The following DPYD variants were observed in gnomAD, a reference collection of about 807,000 sequenced individuals.
The protein encoded by DPYD is dihydropyrimidine dehydrogenase [NADP(+)].
In DPYD, 109 loss-of-function variants were observed where a neutral mutation model predicts 116.2. That is an observed-to-expected ratio of 0.94 (90% CI 0.80 to 1.10). The LOEUF is 1.10. DPYD is among the 50% of genes least tolerant of loss of function. The probability of loss-of-function intolerance (pLI) is 0.00; values close to 1 mark genes in which losing one functional copy is unlikely to be tolerated. For missense variants in DPYD, 1,302 were observed against 1,254.5 expected (o/e 1.04, Z -0.57); for synonymous variants, 440 against 432.0 (o/e 1.02, Z -0.23).
At chr1:97,757,945 CT>C (rs1356678276) in intron 3 of DPYD, among the ~76,000 whole-genome samples, 1 of 152,160 alleles carries the variant, frequency 6.6e-6, no homozygotes, top group Non-Finnish European at 1.5e-5. Context: ...CTAACCATTT[CT>C]TTTGTCTGCA....
chr1:97,686,965 C>T (rs139919539), intron 7 of DPYD, among the ~76,000 whole-genome samples: 1 of 151,886 alleles, frequency 6.6e-6, no homozygotes, highest in Non-Finnish European at 1.5e-5. Flanking sequence ...AAAAAACCAA[C>T]CCCATTAAAA....
chr1:97,208,595 T>C (rs961675007), intron 19 of DPYD, among the ~76,000 whole-genome samples: 1 of 152,082 alleles, frequency 6.6e-6, no homozygotes, highest in African/African-American at 2.4e-5. Flanking sequence ...AAGGGAGCTA[T>C]ATTCAAACTC....
chr1:97,609,225 G>T (rs1276859125), intron 8 of DPYD, among the ~76,000 whole-genome samples: 1 of 151,804 alleles, frequency 6.6e-6, no homozygotes, highest in African/African-American at 2.4e-5. Context: ...CTAATGCTAA[G>T]CCATGTGATT....
chr1:97,600,371 A>G (rs1260839742), intron 8 of DPYD, among the ~76,000 whole-genome samples: 2 of 152,246 alleles, frequency 1.3e-5, no homozygotes, highest in Non-Finnish European at 2.9e-5. Flanking sequence ...CAGATTAAAC[A>G]TGTATTTATG....
chr1:97,300,317 C>T (rs1004674818), intron 18 of DPYD, among the ~76,000 whole-genome samples: 4 of 152,024 alleles, frequency 2.6e-5, no homozygotes, highest in Non-Finnish European at 5.9e-5. Flanking sequence ...TATTTTAGAT[C>T]TTCAATGTTA....
chr1:97,354,688 C>G (rs181180421), intron 16 of DPYD, among the ~76,000 whole-genome samples: 76 of 152,260 alleles, frequency 5.0e-4, no homozygotes, highest in African/African-American at 1.8e-3. Context: ...TTAAAAAAAT[C>G]AGAACTACTT....
intron 12 of DPYD, among the ~76,000 whole-genome samples, chr1:97,549,282 T>C (rs1651137570): frequency 6.6e-6 from 1 of 152,082 alleles, no homozygotes; most frequent in Non-Finnish European, 1.5e-5. Flanking sequence ...CCCAGGCTGA[T>C]CTTGAACACC....
intron 16 of DPYD, among the ~76,000 whole-genome samples, chr1:97,336,614 G>T (rs1266551442): frequency 6.6e-6 from 1 of 152,126 alleles, no homozygotes; most frequent in Non-Finnish European, 1.5e-5. Flanking sequence ...GCCTGGCACG[G>T]TGGCGTGTAC....
At chr1:97,126,553 T>C (rs564471956) in intron 20 of DPYD, among the ~76,000 whole-genome samples, 1 of 152,158 alleles carries the variant, frequency 6.6e-6, no homozygotes, top group South Asian at 2.1e-4. Flanking sequence ...TACTATGTCC[T>C]AGGTCCCACC....
chr1:97,651,838 A>G (rs894709652), intron 8 of DPYD, among the ~76,000 whole-genome samples: 2 of 152,142 alleles, frequency 1.3e-5, no homozygotes, highest in African/African-American at 4.8e-5. Flanking sequence ...TTCTATGAAT[A>G]TATTTAATAT....
chr1:97,309,939 A>G (rs944583422), intron 16 of DPYD, among the ~76,000 whole-genome samples: 7 of 151,754 alleles, frequency 4.6e-5, no homozygotes, highest in South Asian at 2.1e-4. Flanking sequence ...TCTTCATTGT[A>G]GAGCAGGTAT....
intron 13 of DPYD, among the ~76,000 whole-genome samples, chr1:97,493,877 C>A (rs1284687455): frequency 6.6e-6 from 1 of 152,130 alleles, no homozygotes; most frequent in Non-Finnish European, 1.5e-5. Context: ...TCATTTCCAT[C>A]TGGAAGCAAA....
chr1:97,602,247 CAAAT>C (rs1428077477), intron 8 of DPYD, among the ~76,000 whole-genome samples: 1 of 151,844 alleles, frequency 6.6e-6, no homozygotes, highest in Non-Finnish European at 1.5e-5. Flanking sequence ...ATAAAATAAT[CAAAT>C]AATTTTTATG....
At chr1:97,718,772 A>T (rs1662759720) in intron 5 of DPYD, among the ~76,000 whole-genome samples, 1 of 151,738 alleles carries the variant, frequency 6.6e-6, no homozygotes, top group Non-Finnish European at 1.5e-5. Flanking sequence ...ACAATTCATT[A>T]ATTAAATTTC....
At chr1:97,264,357 C>T (rs1432606825) in intron 18 of DPYD, among the ~76,000 whole-genome samples, 1 of 150,720 alleles carries the variant, frequency 6.6e-6, no homozygotes, top group Non-Finnish European at 1.5e-5. Flanking sequence ...TTTTTTGTTT[C>T]TAATTTTTAG....
chr1:97,315,068 T>C (rs954208452), intron 16 of DPYD, among the ~76,000 whole-genome samples: 3 of 151,984 alleles, frequency 2.0e-5, no homozygotes, highest in Non-Finnish European at 2.9e-5. Flanking sequence ...CGCATAACTT[T>C]TCACGAGAAC....
intron 10 of DPYD, among the ~76,000 whole-genome samples, chr1:97,588,240 C>T (rs1423652593): frequency 3.3e-5 from 5 of 152,076 alleles, no homozygotes; most frequent in Non-Finnish European, 5.9e-5. Flanking sequence ...GAAGCTAAGG[C>T]GTACCAGGGG....
chr1:97,906,801 G>T (rs1673647503), intron 1 of DPYD, among the ~76,000 whole-genome samples: 1 of 151,934 alleles, frequency 6.6e-6, no homozygotes, highest in Non-Finnish European at 1.5e-5. Flanking sequence ...ACAGCTTCAG[G>T]GACAGAAGAT....
intron 5 of DPYD, among the ~76,000 whole-genome samples, chr1:97,702,453 TTAAA>T (rs1054774978): frequency 7.2e-4 from 109 of 151,972 alleles, no homozygotes; most frequent in African/African-American, 2.5e-3. Flanking sequence ...GAACTAATAA[TTAAA>T]TATTTAACTT....
Sources: gnomAD v4.1 joint callset for allele counts (sites outside exome capture counted in the v4.1 genomes callset) on GRCh38, gnomAD v4.1.1 for gene constraint, MANE v1.5 for transcripts, NCBI Gene and HGNC (gene_info 2026-07-23, HGNC 2026-07-21) for gene names.